The following RYR2 variants were observed in gnomAD, a reference collection of about 807,000 sequenced individuals.
RYR2 encodes ryanodine receptor 2.
RYR2 carries 227 observed loss-of-function variants against 601.1 expected under a neutral mutation model. The ratio of observed to expected loss-of-function variants is 0.38; its 90% CI spans 0.34 to 0.42. The LOEUF is 0.42. Ranked by LOEUF, RYR2 falls within the 10% of genes least tolerant of loss-of-function variation. RYR2 has a pLI of 1.00. For synonymous variants in RYR2, 2,223 were observed against 2,175.1 expected, an observed-to-expected ratio of 1.02 and a Z score of -0.61; for missense variants, 4,646 against 6,156.5, an observed-to-expected ratio of 0.75 and a Z score of 8.21.
intron 71 of RYR2, among the ~76,000 whole-genome samples, chr1:237,713,545 C>G (rs186280574): frequency 4.6e-4 from 70 of 152,114 alleles, no homozygotes; most frequent in Non-Finnish European, 9.3e-4. Context: ...TATACAGGCG[C>G]ATGCCACCAT....
At chr1:237,054,400 A>G (rs1661717381) in intron 1 of RYR2, among the ~76,000 whole-genome samples, 1 of 137,502 alleles carries the variant, frequency 7.3e-6, no homozygotes, top group African/African-American at 2.7e-5. Flanking sequence ...GGAATGATTT[A>G]TGGCTGTCCT....
At chr1:237,172,030 A>G (rs757967398) in intron 1 of RYR2, among the ~76,000 whole-genome samples, 9 of 152,236 alleles carry the variant, frequency 5.9e-5, no homozygotes, top group Non-Finnish European at 1.0e-4. Context: ...CTGTGCCCTT[A>G]CAAATATGCA....
In RYR2 at chr1:237,666,513, T is replaced by C; in HGVS notation, c.8438T>C (p.Val2813Ala). 6.2e-7 allele frequency: 1 copy of C among 1,611,162 alleles called. No individual in the cohort carries two copies. ...RTRRISQTSQVSVDAAHGYSP... is the reference protein window; with the variant it reads ...RTRRISQTSQASVDAAHGYSP... ...TGTTTTTTCACACAAATGATCTAGG[T>C]TTCTGTGGACGCTGCCCATGGTTAC... The change falls in exon 57 of 105, where the codon GTT becomes GCT. Residue 2813 changes from valine (V) to alanine (A), a missense_variant and splice_region_variant. Val to Ala is a moderately conservative substitution (Grantham distance 64). Transcript: ENST00000366574.
chr1:237,801,802 A>G, intron 97 of RYR2, 54 bp from the exon 98 acceptor site: 5 of 1,152,322 alleles, frequency 4.3e-6, no homozygotes, highest in Admixed American at 3.6e-5. Context: ...TCGCAAGCCT[A>G]TGAGTCTTTG....
intron 1 of RYR2, among the ~76,000 whole-genome samples, chr1:237,240,501 T>G (rs6663668): frequency 0.3 from 45,959 of 151,908 alleles, 7,038 homozygotes; most frequent in Middle Eastern, 0.4. Context: ...TTAGTGGCCT[T>G]GAGTACCATA....
At chr1:237,611,986 G>A (rs1677921661) in intron 36 of RYR2, among the ~76,000 whole-genome samples, 1 of 151,986 alleles carries the variant, frequency 6.6e-6, no homozygotes, top group Non-Finnish European at 1.5e-5. Flanking sequence ...ATTCATAGAA[G>A]CATTATGAAC....
At chr1:237,212,982 G>A (rs1329029955) in intron 1 of RYR2, among the ~76,000 whole-genome samples, 3 of 151,952 alleles carry the variant, frequency 2.0e-5, no homozygotes, top group Admixed American at 6.6e-5. Flanking sequence ...ATGTTGTCCA[G>A]GCTGGTCTCA....
intron 97 of RYR2, among the ~76,000 whole-genome samples, chr1:237,801,389 A>C (rs1168760531): frequency 2.2e-5 from 3 of 138,002 alleles, no homozygotes; most frequent in African/African-American, 8.0e-5. Context: ...AAAAAAAAAA[A>C]AAATTCGCTG....
At chr1:237,189,873 ATTTTTATTTT>A (rs1558395613) in intron 1 of RYR2, among the ~76,000 whole-genome samples, 5 of 104,142 alleles carry the variant, frequency 4.8e-5, no homozygotes, top group African/African-American at 2.1e-4. Context: ...TTTTATTTTT[ATTTTTATTTT>A]TTTTTTTGAG....
Position 237,792,374 on chromosome 1 carries a change from T to TGCGCGC in RYR2, c.13782+52_13782+53insCGCGCG, listed in dbSNP as rs1426498567. On this transcript the variant is annotated intron_variant, in intron 94 of 104. Coordinates refer to ENST00000366574, the MANE Select transcript of RYR2 (RefSeq NM_001035.3). ...CTGTGTGTGTGTGTGTGTGTGTGTG[T>TGCGCGC]GTGTGTGCGTGTGTGTGTGTGTGCG... The TGCGCGC allele has an allele frequency of 3.5e-3, 2,692 of 774,988 alleles. 35 individuals are homozygous for TGCGCGC. In the African/African-American group the frequency reaches 0.048, roughly 14 times the overall value. 48.0% of individuals were successfully genotyped at this position (774,988 alleles called of 1,614,324 possible). A position where few individuals can be genotyped will look rare whatever the true frequency, so the allele number is the denominator to read the frequency against.
At chr1:237,354,805 G>A (rs746915972) in intron 3 of RYR2, among the ~76,000 whole-genome samples, 4 of 152,130 alleles carry the variant, frequency 2.6e-5, no homozygotes, top group African/African-American at 4.8e-5. Context: ...TTTGTAAAAT[G>A]CAAAGGAGGA....
In RYR2 at chr1:237,530,808, G is replaced by A. The variant is rs186775722; in HGVS notation, c.2906+298G>A. ...GCCTGTAATCCCAGCTACTCGGGAG[G>A]CTGAGACAGGAGAATCGCTTGAACT... On this transcript the variant is annotated intron_variant, in intron 25 of 104. Transcript: ENST00000366574. Among the ~76,000 whole-genome samples, 103 of 152,116 alleles carry A rather than the reference G, an allele frequency of 6.8e-4. 1 individual carries two copies. The highest frequency in any genetic ancestry group is 2.4e-3 in the African/African-American group (99 of 41,476).
intron 1 of RYR2, among the ~76,000 whole-genome samples, chr1:237,159,165 C>T (rs1001674160): frequency 6.6e-6 from 1 of 152,110 alleles, no homozygotes; most frequent in Admixed American, 6.5e-5. Flanking sequence ...GTGGTGCATG[C>T]CTGTAATCCC....
At chr1:237,065,908 T>C (rs1326289464) in intron 1 of RYR2, among the ~76,000 whole-genome samples, 1 of 152,130 alleles carries the variant, frequency 6.6e-6, no homozygotes, top group East Asian at 1.9e-4. Context: ...GGGAAGGTGC[T>C]GCACACTTTT....
At chr1:237,120,020 G>GT (rs779352081) in intron 1 of RYR2, among the ~76,000 whole-genome samples, 48 of 152,290 alleles carry the variant, frequency 3.2e-4, no homozygotes, top group African/African-American at 1.1e-3. Flanking sequence ...AAAAGCCGAG[G>GT]TGGTACCATG....
intron 23 of RYR2, among the ~76,000 whole-genome samples, chr1:237,509,088 T>C (rs559334865): frequency 3.2e-4 from 49 of 152,292 alleles, no homozygotes; most frequent in African/African-American, 1.1e-3. Flanking sequence ...GGGGCCTTCT[T>C]GCCCGCAACT....
intron 2 of RYR2, among the ~76,000 whole-genome samples, chr1:237,311,360 A>C (rs567804643): frequency 3.3e-5 from 5 of 152,170 alleles, no homozygotes. Flanking sequence ...TATGGGGTCT[A>C]TTGTGCCTTC....
intron 1 of RYR2, among the ~76,000 whole-genome samples, chr1:237,082,524 C>CATATATATAT (rs71561856): frequency 0.099 from 7,850 of 79,426 alleles, 727 homozygotes; most frequent in Non-Finnish European, 0.14. Flanking sequence ...AATAGGAAAA[C>CATATATATAT]ATATATATAT....
At chr1:237,597,367 T>G (rs1190947800) in intron 34 of RYR2, among the ~76,000 whole-genome samples, 1 of 151,486 alleles carries the variant, frequency 6.6e-6, no homozygotes, top group African/African-American at 2.4e-5. Flanking sequence ...CTGCAACCTC[T>G]GCCTTCTGGG....
Sources: allele counts gnomAD v4.1 joint callset (sites outside exome capture counted in the v4.1 genomes callset), GRCh38; gene constraint gnomAD v4.1.1; transcripts MANE v1.5; gene names NCBI Gene and HGNC (gene_info 2026-07-23, HGNC 2026-07-21).